The following GSG1L variants were observed in gnomAD, a reference collection of about 807,000 sequenced individuals.
GSG1L encodes the protein germ cell-specific gene 1-like protein.
GSG1L carries 24 observed loss-of-function variants against 42.1 expected under a neutral mutation model. The observed-to-expected ratio is 0.57, with a 90% confidence interval of 0.41 to 0.80. The LOEUF (loss-of-function observed/expected upper bound fraction) is 0.80, where lower values mean the gene tolerates loss of function less well. Ranked by LOEUF, GSG1L falls within the 30% of genes least tolerant of loss-of-function variation. The probability of loss-of-function intolerance (pLI) is 0.00; values close to 1 mark genes in which losing one functional copy is unlikely to be tolerated. For missense variants in GSG1L, 445 were observed against 472.2 expected (o/e 0.94, Z 0.53); for synonymous variants, 215 against 203.5 (o/e 1.06, Z -0.48).
intron 1 of GSG1L, among the ~76,000 whole-genome samples, chr16:27,979,733 AAAAG>A (rs1555512113): frequency 3.1e-4 from 20 of 65,354 alleles, no homozygotes; most frequent in East Asian, 1.2e-3. Flanking sequence ...GAAGGAAAGA[AAAAG>A]AAAGAAAGAA....
At chr16:28,034,276 T>G (rs2086006647) in intron 1 of GSG1L, among the ~76,000 whole-genome samples, 1 of 125,264 alleles carries the variant, frequency 8.0e-6, no homozygotes. Context: ...TCCCATCCCA[T>G]TCCATCCCAA....
chr16:27,802,666 C>T (rs990620503), intron 6 of GSG1L, among the ~76,000 whole-genome samples: 1 of 152,064 alleles, frequency 6.6e-6, no homozygotes, highest in Admixed American at 6.5e-5. Context: ...TCTCCCTACC[C>T]TACACATTCT....
chr16:27,863,438 C>A (rs71389814), intron 3 of GSG1L: 1 of 152,254 alleles, frequency 6.6e-6, no homozygotes, highest in Admixed American at 6.5e-5. Flanking sequence ...ATATCTTTTC[C>A]CATTCTTCTC....
chr16:27,885,814 T>C (rs760425933), intron 2 of GSG1L, among the ~76,000 whole-genome samples: 25 of 152,318 alleles, frequency 1.6e-4, no homozygotes, highest in South Asian at 1.5e-3. Flanking sequence ...TGCACTCCTG[T>C]CCTTCCAGGA....
chr16:27,942,615 A>C (rs2084813911), intron 2 of GSG1L, among the ~76,000 whole-genome samples: 1 of 152,264 alleles, frequency 6.6e-6, no homozygotes, highest in South Asian at 2.1e-4. Context: ...AGATGCAAAC[A>C]GGCACTTCAT....
At chr16:27,880,622 G>A (rs1286873200) in intron 3 of GSG1L, among the ~76,000 whole-genome samples, 2 of 152,186 alleles carry the variant, frequency 1.3e-5, no homozygotes, top group African/African-American at 4.8e-5. Context: ...CCACTAGGAG[G>A]AAACCTGGCT....
intron 1 of GSG1L, among the ~76,000 whole-genome samples, chr16:28,024,517 G>T (rs1002633402): frequency 6.6e-6 from 1 of 152,086 alleles, no homozygotes; most frequent in African/African-American, 2.4e-5. Flanking sequence ...CCGGAACAGC[G>T]GGAGAGAATT....
At chr16:28,024,338 G>A (rs1239058507) in intron 1 of GSG1L, among the ~76,000 whole-genome samples, 1 of 152,202 alleles carries the variant, frequency 6.6e-6, no homozygotes, top group Non-Finnish European at 1.5e-5. Context: ...AATCGACAAG[G>A]TGCTGCCGCC....
intron 2 of GSG1L, among the ~76,000 whole-genome samples, chr16:27,910,198 G>T (rs1596606218): frequency 6.7e-6 from 1 of 149,840 alleles, no homozygotes; most frequent in Admixed American, 6.7e-5. Flanking sequence ...CATGACCTCA[G>T]ACAATCTGCC....
chr16:28,007,219 C>T (rs865984531), intron 1 of GSG1L, among the ~76,000 whole-genome samples: 22 of 151,756 alleles, frequency 1.4e-4, no homozygotes, highest in African/African-American at 2.4e-4. Context: ...CAGGTGGGTC[C>T]GAAGTAATCA....
At chr16:27,807,620 C>G in intron 5 of GSG1L, 66 bp from the exon 6 acceptor site, 1 of 1,393,838 alleles carries the variant, frequency 7.2e-7, no homozygotes, top group Non-Finnish European at 9.9e-7. Flanking sequence ...GGGCAGAGAC[C>G]CAAAACCTGA....
intron 3 of GSG1L, among the ~76,000 whole-genome samples, chr16:27,863,653 G>A (rs538899466): frequency 6.6e-6 from 1 of 152,212 alleles, no homozygotes; most frequent in Non-Finnish European, 1.5e-5. Flanking sequence ...CTTGGCAACA[G>A]GGGATTCCAG....
intron 1 of GSG1L, among the ~76,000 whole-genome samples, chr16:27,971,013 T>C (rs1596663085): frequency 6.6e-6 from 1 of 152,256 alleles, no homozygotes; most frequent in East Asian, 1.9e-4. Flanking sequence ...TTAATTTATA[T>C]GTCTCTCCTT....
intron 1 of GSG1L, among the ~76,000 whole-genome samples, chr16:28,014,935 C>T (rs1013943556): frequency 6.6e-6 from 1 of 152,212 alleles, no homozygotes; most frequent in Non-Finnish European, 1.5e-5. Flanking sequence ...TCAGTACTAA[C>T]CTGGCCCCTG....
At chr16:27,987,993 T>C (rs913500173) in intron 1 of GSG1L, among the ~76,000 whole-genome samples, 1 of 150,786 alleles carries the variant, frequency 6.6e-6, no homozygotes, top group African/African-American at 2.4e-5. Context: ...GTGTCATAGT[T>C]TCAAATTCCT....
intron 1 of GSG1L, among the ~76,000 whole-genome samples, chr16:28,022,068 TATATA>T (rs1225669948): frequency 6.6e-6 from 1 of 152,210 alleles, no homozygotes; most frequent in African/African-American, 2.4e-5. Context: ...AAAATTATAC[TATATA>T]ATATGTTTAG....
chr16:27,856,601 C>T (rs1395314590), intron 3 of GSG1L, among the ~76,000 whole-genome samples: 13 of 152,334 alleles, frequency 8.5e-5, no homozygotes, highest in South Asian at 2.1e-4. Context: ...CACAAGCCAT[C>T]GCTCCCGGCT....
At chr16:27,969,284 C>A (rs1371216475) in intron 1 of GSG1L, among the ~76,000 whole-genome samples, 1 of 152,164 alleles carries the variant, frequency 6.6e-6, no homozygotes, top group Non-Finnish European at 1.5e-5. Context: ...TTTCCTGCAA[C>A]CCTTCCAGCC....
At chr16:27,944,502 ATCCCAGCTAC>A (rs1346990145) in intron 2 of GSG1L, among the ~76,000 whole-genome samples, 2 of 151,840 alleles carry the variant, frequency 1.3e-5, no homozygotes, top group African/African-American at 4.8e-5. Flanking sequence ...TGTACCCATA[ATCCCAGCTAC>A]TCGGGAGGCT....
Sources: allele counts gnomAD v4.1 joint callset (sites outside exome capture counted in the v4.1 genomes callset), GRCh38; gene constraint gnomAD v4.1.1; transcripts MANE v1.5; gene names NCBI Gene and HGNC (gene_info 2026-07-23, HGNC 2026-07-21).